VWA8: variants seen among roughly 807,000 people sequenced by gnomAD.
VWA8 encodes von Willebrand factor A domain-containing protein 8.
In VWA8, 221 loss-of-function variants were observed where a neutral mutation model predicts 241.5. The observed-to-expected ratio is 0.91, with a 90% CI of 0.82 to 1.02. VWA8 has a LOEUF of 1.02. Among genes scored for constraint, VWA8 ranks in the 50% least tolerant of loss-of-function variants. The pLI is 0.00. For missense variants in VWA8, 2,322 were observed against 2,328.7 expected (o/e 1.00, Z 0.06); for synonymous variants, 852 against 827.1 (o/e 1.03, Z -0.52).
intron 9 of VWA8, among the ~76,000 whole-genome samples, chr13:41,875,308 G>A (rs1397023345): frequency 1.3e-5 from 2 of 152,022 alleles, no homozygotes; most frequent in Non-Finnish European, 2.9e-5. Context: ...ACACAAGGGT[G>A]CTCTGAAAAT....
At chr13:41,889,318 T>C (rs1874705865) in intron 5 of VWA8, among the ~76,000 whole-genome samples, 1 of 152,032 alleles carries the variant, frequency 6.6e-6, no homozygotes, top group Non-Finnish European at 1.5e-5. Flanking sequence ...TGATATTTAC[T>C]TTGGGAGAAA....
intron 14 of VWA8, among the ~76,000 whole-genome samples, chr13:41,824,628 G>C (rs1031677999): frequency 6.6e-6 from 1 of 151,970 alleles, no homozygotes; most frequent in Non-Finnish European, 1.5e-5. Flanking sequence ...AGGAGTTCAA[G>C]AGCAGCCTGG....
chr13:41,601,944 A>G (rs1272242406), intron 40 of VWA8, among the ~76,000 whole-genome samples: 1 of 152,118 alleles, frequency 6.6e-6, no homozygotes, highest in Admixed American at 6.6e-5. Context: ...TCACCAAGGA[A>G]ACACCCATGG....
At chr13:41,768,583 GA>G (rs1489414390) in intron 20 of VWA8, among the ~76,000 whole-genome samples, 2 of 152,164 alleles carry the variant, frequency 1.3e-5, no homozygotes, top group Non-Finnish European at 2.9e-5. Flanking sequence ...CAAATGCTAT[GA>G]AACGCAGAGA....
rs199525785 is a variant in VWA8 at position 41,784,701 on chromosome 13, T to TACATATAC, written c.2171-801_2171-800insGTATATGT. On this transcript the variant is annotated intron_variant, in intron 18 of 44. Coordinates refer to ENST00000379310, the MANE Select transcript of VWA8 (RefSeq NM_015058.2). Reference sequence around the variant, plus strand: ...CTCTTTATACATATACATATACATATATATATATATATATATATATATATA... The same window carrying TACATATAC: ...CTCTTTATACATATACATATACATATACATATACATATATATATATATATATATATATA... Among the ~76,000 whole-genome samples, 7 of 69,824 alleles carry TACATATAC rather than the reference T, an allele frequency of 1.0e-4. 1 individual carries two copies. The highest frequency in any genetic ancestry group is 5.2e-4 in the South Asian group (1 of 1,906). The allele number at this position is 69,824 out of a possible 152,430, so 45.8% of individuals were successfully genotyped here.
intron 37 of VWA8, among the ~76,000 whole-genome samples, chr13:41,633,345 T>A (rs553016745): frequency 6.6e-6 from 1 of 152,136 alleles, no homozygotes; most frequent in Non-Finnish European, 1.5e-5. Flanking sequence ...CCAGGCACAG[T>A]CTTGGTACAT....
chr13:41,879,438 G>C (rs1224217695), intron 9 of VWA8, among the ~76,000 whole-genome samples: 2 of 146,490 alleles, frequency 1.4e-5, no homozygotes, highest in African/African-American at 2.5e-5. Flanking sequence ...TTCATCATTG[G>C]TTATTTCACT....
intron 40 of VWA8, among the ~76,000 whole-genome samples, chr13:41,597,224 T>C (rs1405550702): frequency 3.9e-5 from 6 of 152,114 alleles, no homozygotes; most frequent in Non-Finnish European, 1.5e-5. Context: ...TTTTAACATC[T>C]CTTCATGCTC....
chr13:41,742,609 A>C (rs889595636), intron 21 of VWA8, among the ~76,000 whole-genome samples: 2 of 152,240 alleles, frequency 1.3e-5, no homozygotes, highest in Admixed American at 6.5e-5. Context: ...AATAATGCAA[A>C]ACCCTTTTTG....
rs149186752 is a variant in VWA8 at position 41,911,118 on chromosome 13, C to T, written c.372+920G>A. ...TCACTTTGCCACCCAGGCTGGAGTG[C>T]AATGGCACGATCTTGGCTCACTGCA... On this transcript the variant is annotated intron_variant, in intron 3 of 44. Coordinates refer to ENST00000379310, the MANE Select transcript of VWA8 (RefSeq NM_015058.2). 4.9e-5 allele frequency among the ~76,000 whole-genome samples: 7 copies of T among 144,126 alleles called. No individual in the cohort carries two copies. In the East Asian group the frequency reaches 1.4e-3, roughly 29 times the overall value. 94.6% of individuals were successfully genotyped at this position (144,126 alleles called of 152,430 possible). A position where few individuals can be genotyped will look rare whatever the true frequency, so the allele number is the denominator to read the frequency against.
At chr13:41,590,565 CA>C in intron 41 of VWA8, 74 bp downstream of exon 41, 2 of 1,431,564 alleles carry the variant, frequency 1.4e-6, no homozygotes, top group South Asian at 1.6e-5. Context: ...TATTTTGACA[CA>C]ACTCACGAAA....
intron 2 of VWA8, among the ~76,000 whole-genome samples, chr13:41,922,731 T>C (rs1382934792): frequency 6.6e-6 from 1 of 152,106 alleles, no homozygotes; most frequent in Non-Finnish European, 1.5e-5. Context: ...AAAACCACAA[T>C]GAGATACCAT....
chr13:41,651,445 C>T (rs921649765), intron 37 of VWA8, among the ~76,000 whole-genome samples: 2 of 152,056 alleles, frequency 1.3e-5, no homozygotes, highest in Non-Finnish European at 2.9e-5. Context: ...ATCTTTTTGG[C>T]TTTTGTATTC....
chr13:41,871,555 G>A (rs1338449561), intron 9 of VWA8, among the ~76,000 whole-genome samples: 1 of 152,022 alleles, frequency 6.6e-6, no homozygotes, highest in African/African-American at 2.4e-5. Context: ...AATATGCGGT[G>A]TTTGGTTTTT....
At chr13:41,949,471 G>A (rs575079770) in intron 2 of VWA8, among the ~76,000 whole-genome samples, 11 of 152,036 alleles carry the variant, frequency 7.2e-5, no homozygotes, top group African/African-American at 2.4e-4. Context: ...ACTGGGGCCT[G>A]TCAGGGGGTA....
intron 17 of VWA8, among the ~76,000 whole-genome samples, chr13:41,803,176 T>A (rs1870033606): frequency 6.6e-6 from 1 of 152,190 alleles, no homozygotes; most frequent in Non-Finnish European, 1.5e-5. Flanking sequence ...TCTCTTTGAA[T>A]ACTTGGAAAT....
intron 21 of VWA8, among the ~76,000 whole-genome samples, chr13:41,749,629 G>T (rs1247612533): frequency 6.6e-6 from 1 of 152,062 alleles, no homozygotes. Context: ...TGATAGACTA[G>T]ATTAAGAAAA....
At chr13:41,573,486 A>AATAAATAAATATATATATATATAT (rs1555303591) in intron 43 of VWA8, among the ~76,000 whole-genome samples, 3 of 113,614 alleles carry the variant, frequency 2.6e-5, no homozygotes, top group African/African-American at 1.0e-4. Flanking sequence ...AAAAAAAAAA[A>AATAAATAAATATATATATATATAT]ATATATATAT....
rs1388263498 is a variant in VWA8, at chr13:41,581,196, G to T, written c.5272-5358C>A. On this transcript the variant is annotated intron_variant, in intron 42 of 44. Coordinates refer to ENST00000379310, the MANE Select transcript of VWA8 (RefSeq NM_015058.2). ...TTTGTATTTTTTTAGTAGAGACGGGGTTTCACCGTGTTACCCAGGATGGTC... is the reference window on the plus strand; with the variant it reads ...TTTGTATTTTTTTAGTAGAGACGGGTTTTCACCGTGTTACCCAGGATGGTC... Among the ~76,000 whole-genome samples the T allele has an allele frequency of 2.0e-5, 2 of 98,740 alleles. 1 individual carries two copies. Among genetic ancestry groups the T allele is most frequent in the Non-Finnish European group, 3.6e-5 (2 of 55,016 alleles). 64.8% of individuals were successfully genotyped at this position (98,740 alleles called of 152,430 possible).
Sources: gnomAD v4.1 joint callset for allele counts (sites outside exome capture counted in the v4.1 genomes callset) on GRCh38, gnomAD v4.1.1 for gene constraint, MANE v1.5 for transcripts, NCBI Gene and HGNC (gene_info 2026-07-23, HGNC 2026-07-21) for gene names.